The following KCTD1 variants were observed in gnomAD, a reference collection of about 807,000 sequenced individuals.
The protein encoded by KCTD1 is potassium channel tetramerization domain containing 1.
KCTD1 carries 24 observed loss-of-function variants against 66.0 expected under a neutral mutation model. The ratio of observed to expected loss-of-function variants is 0.36; its 90% CI spans 0.26 to 0.51. KCTD1 has a LOEUF of 0.51. Ranked by LOEUF, KCTD1 falls within the 20% of genes least tolerant of loss-of-function variation. The pLI, the probability that KCTD1 is intolerant of heterozygous loss-of-function variation, is 0.95. For missense variants in KCTD1, 943 were observed against 1,205.2 expected (o/e 0.78, Z 3.22); for synonymous variants, 511 against 517.2 (o/e 0.99, Z 0.16).
chr18:26,601,963 T>G (rs1184010390), intron 1 of KCTD1, among the ~76,000 whole-genome samples: 1 of 152,146 alleles, frequency 6.6e-6, no homozygotes, highest in Admixed American at 6.5e-5. Context: ...CTTTCTCATA[T>G]TTATGCCTTT....
At chr18:26,491,184 T>C (rs1484817432) in intron 2 of KCTD1, among the ~76,000 whole-genome samples, 1 of 152,142 alleles carries the variant, frequency 6.6e-6, no homozygotes, top group East Asian at 1.9e-4. Flanking sequence ...GGTTGTTGCA[T>C]TGGCGGGGTG....
rs764747028 is a variant in KCTD1, at chr18:26,455,766, T to C, written c.2575A>G (p.Ile859Val). Residue 859 changes from isoleucine (I) to valine (V), a missense_variant, in exon 5 of 5, where the codon ATA (isoleucine) becomes GTA (valine). Transcript: ENST00000580059. The stretch of plus-strand genomic sequence containing the variant: ...ATTTAGTCCAGAGGCTCTTGCTTTA[T>C]CCGGATGACGGAGGGTACACGGGGC... ...RTPRVPSVIR[I>V]KQEPLD 1.2e-6 allele frequency: 2 copies of C among 1,614,108 alleles called. No homozygotes were observed. The highest frequency in any genetic ancestry group is 3.3e-5 in the Admixed American group (2 of 59,990).
rs897218566 is a variant in KCTD1, at chr18:26,547,028, G to A, written c.1509C>T (p.His503=). ...TCCCCAGCGAGGGCGGCTGGGGGCG[G>A]TGGTGGTGGGAGGGATGGGTGGGGG... ...HHPPTHPSHH[H]RPQPPSLGNT... is the part of the protein sequence containing the mutation. Residue 503 remains histidine (H), a synonymous_variant, in exon 1 of 5, where the codon CAC becomes CAT. Transcript: ENST00000580059. The A allele has an allele frequency of 6.7e-7, 1 of 1,485,922 alleles. No homozygotes were observed. Among genetic ancestry groups the A allele is most frequent in the Non-Finnish European group, 9.0e-7 (1 of 1,115,292 alleles). 92.0% of individuals were successfully genotyped at this position (1,485,922 alleles called of 1,614,324 possible).
upstream of KCTD1, chr18:26,548,759 A>G (rs1270147044): frequency 1.9e-5 from 21 of 1,105,158 alleles, no homozygotes; most frequent in Non-Finnish European, 2.3e-5. Flanking sequence ...CCGGAGAGAT[A>G]GGGTAAAGGA....
At chr18:26,550,683 C>G (rs1209766061), upstream of KCTD1, among the ~76,000 whole-genome samples, 1 of 152,164 alleles carries the variant, frequency 6.6e-6, no homozygotes. This position sits in a 1 kb window ranked among gnomAD's most constrained non-coding sequence, Gnocchi z 5.4. Context: ...AGGTGGCCGG[C>G]TTTGTTCACA....
chr18:26,483,150 A>G (rs963342073), intron 2 of KCTD1, among the ~76,000 whole-genome samples: 2 of 152,256 alleles, frequency 1.3e-5, no homozygotes, highest in African/African-American at 2.4e-5. Context: ...TATGTTGTCA[A>G]CTGGAAAAGT....
Position 26,547,508 on chromosome 18 carries a change from G to C in KCTD1, c.1029C>G (p.Arg343=), listed in dbSNP as rs1451838016. The C allele has an allele frequency of 3.2e-6, 5 of 1,551,472 alleles. No individual in the cohort carries two copies. Among genetic ancestry groups the C allele is most frequent in the African/African-American group, 2.7e-5 (2 of 73,058 alleles). Residue 343 remains arginine (R), a synonymous_variant, in exon 1 of 5, where the codon CGC becomes CGG. Transcript: ENST00000580059. Reference sequence around the variant, plus strand: ...CGAGGGACTTGAAGTAGACGAACTTGCGACCGTCCTCGTCCATGGCCAGCC... The same window carrying C: ...CGAGGGACTTGAAGTAGACGAACTTCCGACCGTCCTCGTCCATGGCCAGCC... ...SFGLAMDEDG[R]KFVYFKSLGP... is the part of the protein sequence containing the mutation.
intron 1 of KCTD1, among the ~76,000 whole-genome samples, chr18:26,609,796 G>A (rs1987094458): frequency 6.6e-6 from 1 of 152,166 alleles, no homozygotes; most frequent in African/African-American, 2.4e-5. Flanking sequence ...AAAGTCAATT[G>A]TATTTCATTT....
At chr18:26,575,699 C>T (rs1186156611) in intron 1 of KCTD1, 1 of 152,182 alleles carries the variant, frequency 6.6e-6, no homozygotes, top group Non-Finnish European at 1.5e-5. Context: ...AATATTTGTA[C>T]ATTATTTAGG....
At chr18:26,617,365 G>C (rs1987277620) in intron 1 of KCTD1, among the ~76,000 whole-genome samples, 1 of 152,222 alleles carries the variant, frequency 6.6e-6, no homozygotes, top group Non-Finnish European at 1.5e-5. Flanking sequence ...GCCGTACAAA[G>C]ATGTGTATCA....
chr18:26,502,051 C>CT (rs1052399037), intron 1 of KCTD1, among the ~76,000 whole-genome samples: 1 of 151,946 alleles, frequency 6.6e-6, no homozygotes, highest in African/African-American at 2.4e-5. Flanking sequence ...GAAATTGTAC[C>CT]TTTTTTTTCT....
chr18:26,454,957 T>TA lies in KCTD1; in HGVS notation c.*785_*786insT, dbSNP rs1979968377. The TA allele has an allele frequency of 6.5e-6, 1 of 152,690 alleles. No homozygotes were observed. Among genetic ancestry groups the TA allele is most frequent in the Admixed American group, 6.5e-5 (1 of 15,288 alleles). 9.5% of individuals were successfully genotyped at this position (152,690 alleles called of 1,614,324 possible). ...TTTAATCCAGCCTCACCCCCACATG[T>TA]GTGTTTCACACAGACCTTATTTTTT... On this transcript the variant is annotated 3_prime_UTR_variant, in exon 5 of 5. Coordinates refer to ENST00000580059, the MANE Select transcript of KCTD1 (RefSeq NM_001142730.3).
At chr18:26,549,215 C>G, upstream of KCTD1, 1 of 986,324 alleles carries the variant, frequency 1.0e-6, no homozygotes, top group Non-Finnish European at 1.2e-6. Flanking sequence ...CGGGATGGGG[C>G]TGGCGGCGGC....
chr18:26,614,980 T>C (rs1987218403), intron 1 of KCTD1, among the ~76,000 whole-genome samples: 1 of 152,250 alleles, frequency 6.6e-6, no homozygotes, highest in South Asian at 2.1e-4. Flanking sequence ...TCATTTATGT[T>C]CCTGTATAAA....
intron 1 of KCTD1, among the ~76,000 whole-genome samples, chr18:26,511,047 T>G (rs981479061): frequency 6.6e-6 from 1 of 152,234 alleles, no homozygotes; most frequent in African/African-American, 2.4e-5. Context: ...TATTTACTAC[T>G]TTTGAATTTT....
At chr18:26,549,040 C>T (rs1985428395), upstream of KCTD1, 2 of 985,230 alleles carry the variant, frequency 2.0e-6, no homozygotes, top group South Asian at 4.7e-5. Context: ...GTCGGGGCGG[C>T]GGCTGCGCCG....
intron 1 of KCTD1, among the ~76,000 whole-genome samples, chr18:26,589,943 C>T (rs1182246984): frequency 3.3e-5 from 5 of 152,256 alleles, no homozygotes; most frequent in African/African-American, 1.2e-4. Context: ...TTATTGGCAG[C>T]CACCTTGTGA....
chr18:26,608,924 A>G (rs1047478306), intron 1 of KCTD1, among the ~76,000 whole-genome samples: 1 of 152,242 alleles, frequency 6.6e-6, no homozygotes, highest in African/African-American at 2.4e-5. Context: ...TCATCAGATC[A>G]GACTGTAAAT....
intron 3 of KCTD1, among the ~76,000 whole-genome samples, chr18:26,473,563 T>TTAATAATAATAATAATAA (rs10551915): frequency 1.5e-4 from 22 of 146,720 alleles, no homozygotes; most frequent in African/African-American, 5.0e-4. Flanking sequence ...GAACTTAAAA[T>TTAATAATAATAATAATAA]TAATAATAAT....
Sources: gnomAD v4.1 joint callset for allele counts (sites outside exome capture counted in the v4.1 genomes callset) on GRCh38, gnomAD v4.1.1 for gene constraint, Gnocchi (gnomAD v3.1) non-coding constraint, MANE v1.5 for transcripts, NCBI Gene and HGNC (gene_info 2026-07-23, HGNC 2026-07-21) for gene names.